Variants in PARD3 observed in about 807,000 individuals in gnomAD.
The protein encoded by PARD3 is partitioning defective 3 homolog.
In PARD3, 75 loss-of-function variants were observed where a neutral mutation model predicts 155.4. The ratio of observed to expected loss-of-function variants is 0.48; its 90% CI spans 0.40 to 0.58. The LOEUF (loss-of-function observed/expected upper bound fraction) is 0.58. Among genes scored for constraint, PARD3 ranks in the 20% least tolerant of loss-of-function variants. The pLI, the probability that PARD3 is intolerant of heterozygous loss-of-function variation, is 0.00. For synonymous variants in PARD3, 576 were observed against 610.5 expected (o/e 0.94, Z 0.83); for missense variants, 1,642 against 1,721.7 (o/e 0.95, Z 0.82).
intron 3 of PARD3, among the ~76,000 whole-genome samples, chr10:34,492,808 TCAAA>T (rs1278158764): frequency 2.6e-5 from 4 of 152,240 alleles, no homozygotes; most frequent in African/African-American, 9.6e-5. Context: ...ATCTTTTCAG[TCAAA>T]CACTTAGTCA....
At chr10:34,517,222 G>C (rs964701823) in intron 2 of PARD3, 63 bp from the exon 3 acceptor site, 5 of 1,471,562 alleles carry the variant, frequency 3.4e-6, no homozygotes, top group Non-Finnish European at 4.7e-6. Flanking sequence ...CCAAAATTTT[G>C]TACTATTTTG....
At chr10:34,531,368 G>T (rs1417703315) in intron 2 of PARD3, among the ~76,000 whole-genome samples, 1 of 152,040 alleles carries the variant, frequency 6.6e-6, no homozygotes, top group African/African-American at 2.4e-5. Context: ...TTTAAGCCAA[G>T]CCTCTTTAAA....
chr10:34,597,372 A>G (rs1756269867), intron 2 of PARD3, among the ~76,000 whole-genome samples: 1 of 151,644 alleles, frequency 6.6e-6, no homozygotes, highest in African/African-American at 2.4e-5. Flanking sequence ...CATCACCAAT[A>G]AGTTTTGCTG....
At chr10:34,134,040 A>G (rs1196118234) in intron 22 of PARD3, among the ~76,000 whole-genome samples, 1 of 152,238 alleles carries the variant, frequency 6.6e-6, no homozygotes, top group African/African-American at 2.4e-5. Flanking sequence ...GCTTGACGAC[A>G]CAAGGCTTCA....
chr10:34,657,177 T>C (rs1490822676), intron 2 of PARD3, among the ~76,000 whole-genome samples: 17 of 152,076 alleles, frequency 1.1e-4, no homozygotes, highest in Admixed American at 7.2e-4. Context: ...GGAGGGCTGA[T>C]TGAGGCCATA....
At chr10:34,115,350 A>C (rs542596078) in intron 24 of PARD3, among the ~76,000 whole-genome samples, 92 of 152,308 alleles carry the variant, frequency 6.0e-4, no homozygotes, top group Non-Finnish European at 1.0e-3. Context: ...CACCAAACCA[A>C]GAACCTTATT....
intron 2 of PARD3, among the ~76,000 whole-genome samples, chr10:34,557,199 G>A (rs1035179234): frequency 3.3e-5 from 5 of 152,142 alleles, no homozygotes; most frequent in Non-Finnish European, 5.9e-5. Context: ...GCTCATCTCC[G>A]AGTATGTTGG....
At chr10:34,487,684 T>C in intron 3 of PARD3, among the ~76,000 whole-genome samples, 1 of 152,004 alleles carries the variant, frequency 6.6e-6, no homozygotes, top group East Asian at 1.9e-4. Flanking sequence ...TGGTCCTTCA[T>C]GCAGTGCTGA....
At chr10:34,459,318 C>A (rs939516201) in intron 4 of PARD3, among the ~76,000 whole-genome samples, 4 of 152,094 alleles carry the variant, frequency 2.6e-5, no homozygotes, top group African/African-American at 9.7e-5. Flanking sequence ...AGGCGCCCAC[C>A]ACCATGCCCA....
rs376512370 is a variant in PARD3 at position 34,243,607 on chromosome 10, G to A, written c.3419+26050C>T. Among the ~76,000 whole-genome samples, 7 of 152,294 alleles carry A rather than the reference G, an allele frequency of 4.6e-5. No individual in the cohort carries two copies. The East Asian group carries it at 7.7e-4, about 17-fold the overall frequency. ...AATCCCAGCACTTTGGGAGGCCAAG[G>A]TGGATGGATCACGAGGTCAGGAGTT... is the stretch of plus-strand genomic sequence containing the variant. On this transcript the variant is annotated intron_variant, in intron 22 of 24. Transcript: ENST00000374788.
At chr10:34,756,150 C>T (rs1323383168) in intron 1 of PARD3, among the ~76,000 whole-genome samples, 4 of 94,560 alleles carry the variant, frequency 4.2e-5, no homozygotes, top group South Asian at 4.0e-4. Context: ...AAAAATGCAC[C>T]TTTTTTTTTT....
intron 22 of PARD3, among the ~76,000 whole-genome samples, chr10:34,198,772 C>T (rs1164644686): frequency 6.6e-6 from 1 of 152,002 alleles, no homozygotes; most frequent in Non-Finnish European, 1.5e-5. Flanking sequence ...TGTCAGAAAA[C>T]AGGCAAATAC....
intron 1 of PARD3, among the ~76,000 whole-genome samples, chr10:34,727,745 C>T (rs568230177): frequency 8.5e-5 from 13 of 152,196 alleles, no homozygotes; most frequent in South Asian, 6.2e-4. Context: ...TACGAAACCC[C>T]GGCCTGCTGG....
intron 22 of PARD3, among the ~76,000 whole-genome samples, chr10:34,259,773 T>C (rs898920539): frequency 1.3e-5 from 2 of 152,118 alleles, no homozygotes; most frequent in African/African-American, 4.8e-5. Context: ...AGTAGAAAAA[T>C]AGGGAAGCAA....
At position 34,269,666 on chromosome 10, in the gene PARD3, G is replaced by C; in HGVS notation, c.3410C>G (p.Pro1137Arg). 6.2e-7 allele frequency: 1 copy of C among 1,614,018 alleles called. No individual in the cohort carries two copies. The highest frequency in any genetic ancestry group is 8.5e-7 in the Non-Finnish European group (1 of 1,179,946). Residue 1137 changes from proline to arginine, a missense_variant, in exon 22 of 25, where the codon CCT becomes CGT. Transcript: ENST00000374788. ...TGCCCCTGGCGCCTACCTGTCTACA[G>C]GTGAGGGTTTGGAATTCCGCGGCTT... The part of the protein sequence containing the change: ...VKKPRNSKPS[P>R]VDSNRSTPSN...
chr10:34,617,639 A>G (rs2091348211), intron 2 of PARD3, among the ~76,000 whole-genome samples: 1 of 152,218 alleles, frequency 6.6e-6, no homozygotes, highest in South Asian at 2.1e-4. Flanking sequence ...GTACATTTCA[A>G]TTTGTCTATA....
At chr10:34,579,570 G>GTGTGTGTGTGTA (rs1554775602) in intron 2 of PARD3, among the ~76,000 whole-genome samples, 47 of 138,336 alleles carry the variant, frequency 3.4e-4, no homozygotes, top group Non-Finnish European at 4.7e-4. Context: ...GTGTGTGTGT[G>GTGTGTGTGTGTA]TGTGTGTGTG....
intron 5 of PARD3, among the ~76,000 whole-genome samples, chr10:34,407,293 G>GT (rs1844588983): frequency 6.6e-6 from 1 of 152,206 alleles, no homozygotes; most frequent in Non-Finnish European, 1.5e-5. Flanking sequence ...AGTGCAGGGT[G>GT]TAAGGCAGGA....
At chr10:34,640,069 T>TC (rs2092621062) in intron 2 of PARD3, among the ~76,000 whole-genome samples, 1 of 152,062 alleles carries the variant, frequency 6.6e-6, no homozygotes, top group Non-Finnish European at 1.5e-5. Flanking sequence ...AAAATACCAA[T>TC]CCCTCTGACT....
Sources: gnomAD v4.1 joint callset for allele counts (sites outside exome capture counted in the v4.1 genomes callset) on GRCh38, gnomAD v4.1.1 for gene constraint, MANE v1.5 for transcripts, NCBI Gene and HGNC (gene_info 2026-07-23, HGNC 2026-07-21) for gene names.